The following FREM1 variants were observed in gnomAD, a reference collection of about 807,000 sequenced individuals.
FREM1 encodes FRAS1 related extracellular matrix 1, also known as FRAS1-related extracellular matrix protein 1.
A neutral mutation model predicts 210.1 loss-of-function variants in FREM1; 220 were observed. The ratio of observed to expected loss-of-function variants is 1.05; its 90% confidence interval spans 0.94 to 1.17. The LOEUF (loss-of-function observed/expected upper bound fraction) is 1.17. Ranked by LOEUF, FREM1 falls within the 50% of genes most tolerant of loss-of-function variation. The pLI is 0.00. For missense variants in FREM1, 3,454 were observed against 2,675.5 expected, an observed-to-expected ratio of 1.29 and a Z score of -6.42; for synonymous variants, 1,189 against 980.2, an observed-to-expected ratio of 1.21 and a Z score of -3.98.
Position 14,737,745 on chromosome 9 carries a change from C to A in FREM1, c.6341-150G>T, listed in dbSNP as rs10511596. 380,679 of 523,158 alleles carry A rather than the reference C, an allele frequency of 0.73. 140,009 individuals carry two copies. The highest frequency in any genetic ancestry group is 0.8 in the Middle Eastern group (1,621 of 2,038). 32.4% of individuals were successfully genotyped at this position (523,158 alleles called of 1,614,324 possible). Reference sequence around the variant, plus strand: ...TAGGAACTTGGAATACTCTAAGACACAAACGGTCAAACAAATCCCAGTCCA... The same window carrying A: ...TAGGAACTTGGAATACTCTAAGACAAAAACGGTCAAACAAATCCCAGTCCA... On this transcript the variant is annotated intron_variant, in intron 36 of 36. Coordinates refer to ENST00000380880, the MANE Select transcript of FREM1 (RefSeq NM_001379081.2).
chr9:14,868,916 G>A lies in FREM1; in HGVS notation c.62C>T (p.Ala21Val), dbSNP rs1021201136. The A allele has an allele frequency of 4.4e-6, 7 of 1,604,288 alleles. No homozygotes were observed. In the African/African-American group the frequency reaches 5.4e-5, roughly 12 times the overall value. Residue 21 changes from alanine (A) to valine (V), a missense_variant, in exon 2 of 37, where the codon GCC becomes GTC. Coordinates refer to ENST00000380880, the MANE Select transcript of FREM1 (RefSeq NM_001379081.2). ...AVLLLLLLAW[A>V]SPTFISINRG... ...GTTGATGCTGATGAAGGTGGGGCTG[G>A]CCCAGGCCAGGAGGAGCAGCAGCAG...
intron 1 of FREM1, among the ~76,000 whole-genome samples, chr9:14,888,917 G>GA (rs746389675): frequency 6.6e-6 from 1 of 151,784 alleles, no homozygotes; most frequent in African/African-American, 2.4e-5. Context: ...GAAACATATA[G>GA]AAAAAAAATA....
Position 14,749,134 on chromosome 9 carries a change from C to T in FREM1, c.5558-495G>A, listed in dbSNP as rs116453745. Among the ~76,000 whole-genome samples, 1,029 of 152,224 alleles carry T rather than the reference C, an allele frequency of 6.8e-3. 11 individuals carry two copies. Among genetic ancestry groups the T allele is most frequent in the African/African-American group, 0.023 (948 of 41,534 alleles). ...AAAGACCCAGTAAATCTTAATAGAGCGGCTCCTATTGGAAACCTCACCAAT... is the reference window on the plus strand; with the variant it reads ...AAAGACCCAGTAAATCTTAATAGAGTGGCTCCTATTGGAAACCTCACCAAT... On this transcript the variant is annotated intron_variant, in intron 30 of 36. Coordinates refer to ENST00000380880, the MANE Select transcript of FREM1 (RefSeq NM_001379081.2).
intron 8 of FREM1, among the ~76,000 whole-genome samples, chr9:14,843,471 C>A (rs746967613): frequency 6.6e-6 from 1 of 151,308 alleles, no homozygotes; most frequent in African/African-American, 2.4e-5. Flanking sequence ...AGCCAATTCC[C>A]AGAATAAATC....
intron 29 of FREM1, among the ~76,000 whole-genome samples, chr9:14,755,982 C>T (rs1453284668): frequency 2.0e-5 from 3 of 152,100 alleles, no homozygotes. Flanking sequence ...TTTAGAAATG[C>T]CCTTTAGGAA....
At chr9:14,802,654 C>T (rs921121824) in intron 19 of FREM1, among the ~76,000 whole-genome samples, 5 of 152,074 alleles carry the variant, frequency 3.3e-5, no homozygotes, top group Non-Finnish European at 7.4e-5. Context: ...TTTTTTCTCA[C>T]GAGGATTGAG....
chr9:14,746,327 A>G lies in FREM1; in HGVS notation c.6254+26T>C, dbSNP rs1842419388. 4.0e-6 allele frequency: 6 copies of G among 1,483,212 alleles called. No homozygotes were observed. The South Asian group carries it at 6.9e-5, about 17-fold the overall frequency. 91.9% of individuals were successfully genotyped at this position (1,483,212 alleles called of 1,614,324 possible). ...GAGAAATAGAGAAAAGAAAACACCAATCAAATGTGCAATAGGGTGCCTTAC... is the reference window on the plus strand; with the variant it reads ...GAGAAATAGAGAAAAGAAAACACCAGTCAAATGTGCAATAGGGTGCCTTAC... On this transcript the variant is annotated intron_variant, in intron 35 of 36. Coordinates refer to ENST00000380880, the MANE Select transcript of FREM1 (RefSeq NM_001379081.2).
At chr9:14,760,099 G>C (rs763307730) in intron 27 of FREM1, among the ~76,000 whole-genome samples, 198 bp from the exon 28 acceptor site, 30 of 152,172 alleles carry the variant, frequency 2.0e-4, no homozygotes, top group Non-Finnish European at 4.1e-4. Context: ...CAACAACCCT[G>C]TAAGGTAGAC....
intron 5 of FREM1, among the ~76,000 whole-genome samples, chr9:14,852,578 C>G (rs751447595): frequency 6.6e-6 from 1 of 152,104 alleles, no homozygotes; most frequent in Admixed American, 6.5e-5. Flanking sequence ...CACCTATAGC[C>G]AATTACTCGA....
At chr9:14,781,111 A>G (rs955745746) in intron 24 of FREM1, among the ~76,000 whole-genome samples, 1 of 152,184 alleles carries the variant, frequency 6.6e-6, no homozygotes, top group East Asian at 1.9e-4. Context: ...CTGAGCCCCA[A>G]ATTCAGCAGT....
Position 14,789,101 on chromosome 9 carries a change from C to T in FREM1, c.3995G>A (p.Trp1332Ter). Reference sequence around the variant, plus strand: ...TTTCATGCCAGGGGAGAGAGGAACCCAGTCCCTCCCTATCTGGAAGGAGCC... The same window carrying T: ...TTTCATGCCAGGGGAGAGAGGAACCTAGTCCCTCCCTATCTGGAAGGAGCC... ...GQLQLKIGRD[W>*]VPLSPGMKCT... The change falls in exon 23 of 37, where the codon TGG (tryptophan) becomes TAG (stop). Residue 1332 changes from tryptophan to a stop codon, truncating the protein, a stop_gained. Transcript: ENST00000380880. LOFTEE classifies it high-confidence loss of function. 6.3e-7 allele frequency: 1 copy of T among 1,589,450 alleles called. No homozygotes were observed. Among genetic ancestry groups the T allele is most frequent in the Non-Finnish European group, 8.6e-7 (1 of 1,166,884 alleles).
chr9:14,821,343 A>G (rs977619916), intron 13 of FREM1, among the ~76,000 whole-genome samples: 27 of 114,118 alleles, frequency 2.4e-4, no homozygotes, highest in Admixed American at 1.4e-3. Context: ...CCTCAAAACT[A>G]TTCAGTGAAA....
Position 14,775,906 on chromosome 9 carries a change from C to T in FREM1, c.4740G>A (p.Arg1580=). ...CAGTCTGGGAGTCCCCTCCTGAGTG[C>T]CGATAGGCCACATTCTTGCTGTCCA... ...QDVDSKNVAY[R]HSGGDSQTDC... is the part of the protein sequence containing the mutation. Residue 1580 remains arginine, a synonymous_variant, in exon 25 of 37, where the codon CGG becomes CGA. Transcript: ENST00000380880. 6.2e-7 allele frequency: 1 copy of T among 1,613,926 alleles called. No homozygotes were observed. The highest frequency in any genetic ancestry group is 8.5e-7 in the Non-Finnish European group (1 of 1,179,846).
chr9:14,792,942 G>A, intron 21 of FREM1, 58 bp from the exon 22 acceptor site: 4 of 1,135,930 alleles, frequency 3.5e-6, no homozygotes, highest in Non-Finnish European at 5.0e-6. Context: ...CTTTAGTAGG[G>A]GACACTTATA....
chr9:14,886,892 T>A (rs899237122), intron 1 of FREM1, among the ~76,000 whole-genome samples: 38 of 112,392 alleles, frequency 3.4e-4, no homozygotes, highest in African/African-American at 1.5e-3. Flanking sequence ...TGAGACCTTG[T>A]TTCAAAAAAA....
chr9:14,849,510 G>T (rs535643283), intron 6 of FREM1, among the ~76,000 whole-genome samples: 9 of 152,326 alleles, frequency 5.9e-5, no homozygotes, highest in African/African-American at 1.9e-4. Flanking sequence ...ACACAGAAAT[G>T]CAAGGCATAC....
At chr9:14,864,262 A>C (rs776437626) in intron 2 of FREM1, among the ~76,000 whole-genome samples, 1 of 152,222 alleles carries the variant, frequency 6.6e-6, no homozygotes, top group African/African-American at 2.4e-5. Context: ...GTTCACAGCA[A>C]TTGAGTTAGA....
At chr9:14,744,208 T>C (rs1053550554) in intron 35 of FREM1, among the ~76,000 whole-genome samples, 1 of 152,116 alleles carries the variant, frequency 6.6e-6, no homozygotes, top group African/African-American at 2.4e-5. Context: ...AACTAGTTTT[T>C]GAACACACTT....
rs1254019730 is a variant in FREM1 at position 14,824,031 on chromosome 9, G to A, written c.2163C>T (p.Phe721=). 1.9e-6 allele frequency: 3 copies of A among 1,585,412 alleles called. No homozygotes were observed. In the African/African-American group the frequency reaches 4.0e-5, roughly 21 times the overall value. ...KNPTALELRS[F]TQHAVNYMKV... ...TTTTAGCATATCCTCATACCTGAGT[G>A]AATGACCTCAGCTCCAGGGCCGTAG... The change falls in exon 12 of 37, where the codon TTC becomes TTT. Residue 721 remains phenylalanine, a synonymous_variant. Coordinates refer to ENST00000380880, the MANE Select transcript of FREM1 (RefSeq NM_001379081.2).
Sources: gnomAD v4.1 joint callset for allele counts (sites outside exome capture counted in the v4.1 genomes callset) on GRCh38, gnomAD v4.1.1 for gene constraint, MANE v1.5 for transcripts, NCBI Gene and HGNC (gene_info 2026-07-23, HGNC 2026-07-21) for gene names.